The following ARHGAP6 variants were observed in gnomAD, a reference collection of about 807,000 sequenced individuals.
The protein encoded by ARHGAP6 is rho GTPase-activating protein 6.
A neutral mutation model predicts 55.7 loss-of-function variants in ARHGAP6; 16 were observed. That is an observed-to-expected ratio of 0.29 (90% CI 0.19 to 0.44). ARHGAP6 has a LOEUF of 0.44. ARHGAP6 is among the 20% of genes least tolerant of loss of function. The pLI, the probability that ARHGAP6 is intolerant of heterozygous loss-of-function variation, is 1.00. For synonymous variants in ARHGAP6, 382 were observed against 360.9 expected, an observed-to-expected ratio of 1.06 and a Z score of -0.66; for missense variants, 698 against 808.9, an observed-to-expected ratio of 0.86 and a Z score of 1.66.
At chrX:11,217,160 G>T in intron 2 of ARHGAP6, among the ~76,000 whole-genome samples, 1 of 112,295 alleles carries the variant, frequency 8.9e-6, no homozygotes. Flanking sequence ...ATTGTGAATA[G>T]TGCTGCAATA....
intron 1 of ARHGAP6, among the ~76,000 whole-genome samples, chrX:11,554,755 C>T (rs2051304271): frequency 8.9e-6 from 1 of 111,802 alleles, no homozygotes; most frequent in South Asian, 3.7e-4. Context: ...AACCTGAATC[C>T]ACCACATGTA....
intron 1 of ARHGAP6, among the ~76,000 whole-genome samples, chrX:11,518,878 T>C (rs1213387201): frequency 1.1e-5 from 1 of 88,816 alleles, no homozygotes; most frequent in Non-Finnish European, 2.2e-5. Context: ...AGTGAGAATA[T>C]GCAGTGTTTG....
chrX:11,504,458 T>A (rs1431622391), intron 1 of ARHGAP6, among the ~76,000 whole-genome samples: 1 of 111,647 alleles, frequency 9.0e-6, no homozygotes, highest in Non-Finnish European at 1.9e-5. Flanking sequence ...TCTCCAGATC[T>A]TGCCAAATGC....
intron 10 of ARHGAP6, among the ~76,000 whole-genome samples, chrX:11,151,913 G>T (rs1032026189): frequency 8.9e-6 from 1 of 111,967 alleles, no homozygotes; most frequent in Admixed American, 9.5e-5. Context: ...TTTGCTTTTA[G>T]ACACAATGCT....
At chrX:11,467,603 C>T (rs1450363125) in intron 1 of ARHGAP6, among the ~76,000 whole-genome samples, 3 of 111,601 alleles carry the variant, frequency 2.7e-5, no homozygotes, top group Non-Finnish European at 3.8e-5. Context: ...AACACTGAGG[C>T]TGAAACTCAC....
chrX:11,613,288 A>T (rs1389788107), intron 1 of ARHGAP6, among the ~76,000 whole-genome samples: 1 of 112,467 alleles, frequency 8.9e-6, no homozygotes, highest in African/African-American at 3.2e-5. Context: ...ATTTGATATA[A>T]CCTCTGAGGA....
intron 1 of ARHGAP6, among the ~76,000 whole-genome samples, chrX:11,278,112 G>C (rs982050359): frequency 1.8e-5 from 2 of 111,512 alleles, no homozygotes; most frequent in Non-Finnish European, 3.8e-5. Flanking sequence ...CACCCTCCAG[G>C]GTTGAGAAAT....
At chrX:11,242,148 G>GA (rs780670718) in intron 2 of ARHGAP6, among the ~76,000 whole-genome samples, 1 of 111,257 alleles carries the variant, frequency 9.0e-6, no homozygotes, top group Non-Finnish European at 1.9e-5. Flanking sequence ...TTCAAGAGGA[G>GA]AAAAAAAACT....
intron 2 of ARHGAP6, among the ~76,000 whole-genome samples, chrX:11,200,626 T>A (rs1337468411): frequency 8.9e-6 from 1 of 112,431 alleles, no homozygotes; most frequent in Admixed American, 9.4e-5. Context: ...TAAGGCTTCT[T>A]TCTCTAGTTA....
intron 1 of ARHGAP6, among the ~76,000 whole-genome samples, chrX:11,555,056 C>T (rs1335971939): frequency 8.9e-6 from 1 of 112,235 alleles, no homozygotes; most frequent in Non-Finnish European, 1.9e-5. Flanking sequence ...AAGGGGCTCA[C>T]ACAACCAAGA....
chrX:11,598,301 T>C (rs1025403750), intron 1 of ARHGAP6, among the ~76,000 whole-genome samples: 25 of 112,167 alleles, frequency 2.2e-4, no homozygotes, highest in Non-Finnish European at 1.5e-4. Flanking sequence ...GACCCTTAAG[T>C]TGACAAAAAC....
chrX:11,162,810 C>G (rs981655643), intron 9 of ARHGAP6, among the ~76,000 whole-genome samples: 21 of 111,812 alleles, frequency 1.9e-4, no homozygotes, highest in African/African-American at 6.8e-4. Flanking sequence ...CAGATTTTTT[C>G]TAAGTTCTTA....
chrX:11,507,575 A>G (rs1296419379), intron 1 of ARHGAP6, among the ~76,000 whole-genome samples: 1 of 111,340 alleles, frequency 9.0e-6, no homozygotes, highest in African/African-American at 3.3e-5. Context: ...CAGGAGATTC[A>G]CTCCTATTTT....
intron 1 of ARHGAP6, among the ~76,000 whole-genome samples, chrX:11,561,769 C>T (rs1443639669): frequency 8.9e-6 from 1 of 112,250 alleles, no homozygotes; most frequent in African/African-American, 3.2e-5. Flanking sequence ...TTTCCCTATC[C>T]ACCTCTGTTT....
At chrX:11,302,178 C>T (rs5934999) in intron 1 of ARHGAP6, among the ~76,000 whole-genome samples, 29,760 of 111,268 alleles carry the variant, frequency 0.27, 3,118 homozygotes, top group African/African-American at 0.38. Context: ...ACATTTTAAG[C>T]GCTAAATAGC....
intron 1 of ARHGAP6, among the ~76,000 whole-genome samples, chrX:11,523,745 C>T (rs1241255698): frequency 1.8e-5 from 2 of 111,083 alleles, no homozygotes; most frequent in East Asian, 5.6e-4. Context: ...GTAAGATTGT[C>T]CTGTTTCTCC....
At chrX:11,571,434 C>T (rs772699367) in intron 1 of ARHGAP6, among the ~76,000 whole-genome samples, 1 of 110,558 alleles carries the variant, frequency 9.0e-6, no homozygotes, top group Non-Finnish European at 1.9e-5. Context: ...GATTCCCATC[C>T]CATGGTTACT....
At chrX:11,432,594 A>G (rs1003534793) in intron 1 of ARHGAP6, among the ~76,000 whole-genome samples, 8 of 112,705 alleles carry the variant, frequency 7.1e-5, no homozygotes, top group Non-Finnish European at 1.9e-5. Context: ...AACACAGTTT[A>G]TATGAAGACT....
At chrX:11,387,959 G>T (rs1603162879) in intron 1 of ARHGAP6, among the ~76,000 whole-genome samples, 1 of 112,042 alleles carries the variant, frequency 8.9e-6, no homozygotes, top group East Asian at 2.8e-4. Context: ...ATCATTGTTG[G>T]ACATTTGGGT....
Sources: allele counts gnomAD v4.1 joint callset (sites outside exome capture counted in the v4.1 genomes callset), GRCh38; gene constraint gnomAD v4.1.1; transcripts MANE v1.5; gene names NCBI Gene and HGNC (gene_info 2026-07-23, HGNC 2026-07-21).